SUMF1: variants seen among roughly 807,000 people sequenced by gnomAD.
SUMF1 encodes formylglycine-generating enzyme.
SUMF1 carries 48 observed loss-of-function variants against 47.6 expected under a neutral mutation model. The ratio of observed to expected loss-of-function variants is 1.01; its 90% CI spans 0.80 to 1.28. The LOEUF is 1.28. Among genes scored for constraint, SUMF1 ranks in the 50% most tolerant of loss-of-function variants. The pLI, the probability that SUMF1 is intolerant of heterozygous loss-of-function variation, is 0.00. For synonymous variants in SUMF1, 230 were observed against 192.1 expected (o/e 1.20, Z -1.63); for missense variants, 571 against 485.4 (o/e 1.18, Z -1.66).
chr3:4,184,169 A>G (rs1695152588), intron 8 of SUMF1, among the ~76,000 whole-genome samples: 1 of 151,762 alleles, frequency 6.6e-6, no homozygotes, highest in Admixed American at 6.6e-5. Flanking sequence ...AAAAAAGGCA[A>G]AAGAGCCCAA....
At chr3:4,444,207 T>G (rs1488375002) in intron 3 of SUMF1, among the ~76,000 whole-genome samples, 2 of 152,164 alleles carry the variant, frequency 1.3e-5, no homozygotes, top group African/African-American at 2.4e-5. Flanking sequence ...AACCAAAGAT[T>G]TCATATCCAG....
chr3:4,184,584 A>C (rs1198088852), intron 8 of SUMF1, among the ~76,000 whole-genome samples: 5 of 152,166 alleles, frequency 3.3e-5, no homozygotes, highest in African/African-American at 1.2e-4. Flanking sequence ...CCTCAGATTC[A>C]GATCATAATT....
At chr3:4,268,562 T>A (rs562945461) in intron 8 of SUMF1, among the ~76,000 whole-genome samples, 2 of 151,120 alleles carry the variant, frequency 1.3e-5, no homozygotes, top group Admixed American at 1.3e-4. Flanking sequence ...TGTGATAGCT[T>A]CTGTTGGCAC....
At chr3:4,380,160 G>A (rs1056802011) in intron 7 of SUMF1, among the ~76,000 whole-genome samples, 2 of 152,080 alleles carry the variant, frequency 1.3e-5, no homozygotes, top group South Asian at 2.1e-4. Context: ...AATCCACTTG[G>A]AATTAACCTA....
intron 8 of SUMF1, among the ~76,000 whole-genome samples, chr3:4,199,856 C>T (rs1023585310): frequency 1.3e-5 from 2 of 152,052 alleles, no homozygotes; most frequent in Non-Finnish European, 2.9e-5. Flanking sequence ...GAGGTCTTTT[C>T]GTACCTGGAC....
chr3:4,179,762 C>T (rs191443139), intron 8 of SUMF1, among the ~76,000 whole-genome samples: 2 of 152,190 alleles, frequency 1.3e-5, no homozygotes, highest in African/African-American at 4.8e-5. Flanking sequence ...TGGCAACCTA[C>T]AGAATGGGAG....
chr3:4,321,470 T>TAAAAAAAAAAAAAAAAAAAAAAA (rs1206478992), intron 8 of SUMF1, among the ~76,000 whole-genome samples: 1 of 63,742 alleles, frequency 1.6e-5, no homozygotes, highest in Non-Finnish European at 3.1e-5. Context: ...AAGGAAATGC[T>TAAAAAAAAAAAAAAAAAAAAAAA]AAAAAAAAAA....
intron 8 of SUMF1, among the ~76,000 whole-genome samples, chr3:4,345,410 C>G (rs1420607642): frequency 6.6e-6 from 1 of 152,144 alleles, no homozygotes; most frequent in Non-Finnish European, 1.5e-5. Flanking sequence ...ATTTTCAACC[C>G]AGAATCTCAT....
intron 8 of SUMF1, among the ~76,000 whole-genome samples, chr3:4,366,913 G>T (rs1260030299): frequency 1.3e-5 from 2 of 152,186 alleles, no homozygotes; most frequent in African/African-American, 2.4e-5. Context: ...CGTCCTTTCT[G>T]TTTGTTAGTT....
chr3:4,371,595 C>T (rs977652464), intron 8 of SUMF1, among the ~76,000 whole-genome samples: 2 of 152,208 alleles, frequency 1.3e-5, no homozygotes, highest in African/African-American at 4.8e-5. Flanking sequence ...TTTTGCTCTT[C>T]ATCTTGGTAG....
chr3:4,293,541 G>A (rs1697782249), intron 8 of SUMF1, among the ~76,000 whole-genome samples: 1 of 152,148 alleles, frequency 6.6e-6, no homozygotes, highest in African/African-American at 2.4e-5. Context: ...ACTACCAAGA[G>A]AGACATAATC....
At chr3:4,282,501 G>A (rs1002003870) in intron 8 of SUMF1, among the ~76,000 whole-genome samples, 2 of 152,138 alleles carry the variant, frequency 1.3e-5, no homozygotes, top group African/African-American at 2.4e-5. Context: ...CCTTATCAGA[G>A]CAAAGAAGTA....
intron 6 of SUMF1, among the ~76,000 whole-genome samples, chr3:4,414,237 G>A (rs1404063683): frequency 6.6e-6 from 1 of 152,090 alleles, no homozygotes; most frequent in Non-Finnish European, 1.5e-5. Context: ...AGGCTGGGGT[G>A]GAAAAATCAC....
At chr3:4,226,264 C>CTTTTTTTTTTTTTTTTTTTTTTT (rs869300368) in intron 8 of SUMF1, among the ~76,000 whole-genome samples, 1 of 86,976 alleles carries the variant, frequency 1.1e-5, no homozygotes. Flanking sequence ...TTTTTTGTTT[C>CTTTTTTTTTTTTTTTTTTTTTTT]TTTTTTTTTT....
In SUMF1 at chr3:4,109,149, G is replaced by C. The variant is rs536386372; in HGVS notation, c.1015-40404C>G. ...TGACAAAATCTCTCAGCATTTGCTTGTCTGTAAAGGATTTTATTTCTCCTT... is the reference window on the plus strand; with the variant it reads ...TGACAAAATCTCTCAGCATTTGCTTCTCTGTAAAGGATTTTATTTCTCCTT... On this transcript the variant is annotated intron_variant and NMD_transcript_variant, in intron 8 of 12. Transcript: ENST00000448413. Among the ~76,000 whole-genome samples, 57 of 152,110 alleles carry C rather than the reference G, an allele frequency of 3.7e-4. 1 individual carries two copies. Among genetic ancestry groups the C allele is most frequent in the Admixed American group, 3.1e-3 (48 of 15,286 alleles).
chr3:4,211,101 C>A (rs1695772062), intron 8 of SUMF1, among the ~76,000 whole-genome samples: 1 of 46,336 alleles, frequency 2.2e-5, no homozygotes, highest in Non-Finnish European at 4.4e-5. Context: ...TTAATAAACT[C>A]CCATATATAT....
At chr3:4,450,579 T>C (rs1255652233) in intron 2 of SUMF1, among the ~76,000 whole-genome samples, 3 of 152,192 alleles carry the variant, frequency 2.0e-5, no homozygotes, top group East Asian at 3.8e-4. Flanking sequence ...AATTAGGGGA[T>C]ATAAGGTCAA....
At chr3:4,071,299 G>A (rs1695518224) in intron 8 of SUMF1, among the ~76,000 whole-genome samples, 2 of 152,122 alleles carry the variant, frequency 1.3e-5, no homozygotes, top group South Asian at 4.1e-4. Context: ...AGACTGGATG[G>A]ACAGTGGGTG....
At chr3:4,461,417 T>C (rs2079811975) in intron 1 of SUMF1, among the ~76,000 whole-genome samples, 1 of 152,228 alleles carries the variant, frequency 6.6e-6, no homozygotes, top group African/African-American at 2.4e-5. Context: ...AGAGATTTCA[T>C]AAAAGACTTA....
Sources: allele counts gnomAD v4.1 joint callset (sites outside exome capture counted in the v4.1 genomes callset), GRCh38; gene constraint gnomAD v4.1.1; transcripts MANE v1.5; gene names NCBI Gene and HGNC (gene_info 2026-07-23, HGNC 2026-07-21).